ATRNL1: variants seen among roughly 807,000 people sequenced by gnomAD.
ATRNL1 encodes the protein attractin like 1, also known as attractin-like protein 1.
Under a neutral mutation model 182.7 loss-of-function variants are expected in ATRNL1, and 95 were observed. That is an observed-to-expected ratio of 0.52 (90% CI 0.44 to 0.62). The LOEUF (loss-of-function observed/expected upper bound fraction) is 0.62, where lower values mean the gene tolerates loss of function less well. Ranked by LOEUF, ATRNL1 falls within the 20% of genes least tolerant of loss-of-function variation. The pLI is 0.00. For synonymous variants in ATRNL1, 576 were observed against 568.3 expected (o/e 1.01, Z -0.19); for missense variants, 1,471 against 1,679.5 (o/e 0.88, Z 2.17).
intron 26 of ATRNL1, among the ~76,000 whole-genome samples, chr10:115,644,681 T>C (rs1859485549): frequency 6.6e-6 from 1 of 152,196 alleles, no homozygotes; most frequent in Non-Finnish European, 1.5e-5. Flanking sequence ...AATAAAAGGA[T>C]ATACAATTTG....
At chr10:115,388,593 A>G (rs1843795070) in intron 19 of ATRNL1, among the ~76,000 whole-genome samples, 1 of 151,844 alleles carries the variant, frequency 6.6e-6, no homozygotes, top group Non-Finnish European at 1.5e-5. Flanking sequence ...TAGATAAGTT[A>G]AGCCTATTCA....
Position 115,467,251 on chromosome 10 carries a change from A to G in ATRNL1, c.3495A>G (p.Thr1165=), listed in dbSNP as rs1301364731. 1.9e-6 allele frequency: 3 copies of G among 1,596,478 alleles called. No homozygotes were observed. Among genetic ancestry groups the G allele is most frequent in the South Asian group, 1.1e-5 (1 of 89,644 alleles). Reference sequence around the variant, plus strand: ...ACATTACGTGGTCTGTCGGTTCAACAGGTAAAAAAATGTTGATGTCATATC... The same window carrying G: ...ACATTACGTGGTCTGTCGGTTCAACGGGTAAAAAAATGTTGATGTCATATC... ...NLNITWSVGS[T]AGTISGEETS... Residue 1165 remains threonine (T), a splice_region_variant and synonymous_variant, in exon 23 of 29, where the codon ACA becomes ACG. Transcript: ENST00000355044.
At chr10:115,456,626 A>T (rs781802500) in intron 21 of ATRNL1, among the ~76,000 whole-genome samples, 2 of 152,184 alleles carry the variant, frequency 1.3e-5, no homozygotes, top group Non-Finnish European at 2.9e-5. Flanking sequence ...CAGAACTTAA[A>T]GTATAATAAT....
chr10:115,211,064 ATTATAC>A (rs1252302325), intron 8 of ATRNL1, among the ~76,000 whole-genome samples: 15 of 126,562 alleles, frequency 1.2e-4, no homozygotes, highest in African/African-American at 3.2e-4. Context: ...TTTTTTTTTA[ATTATAC>A]TTTAAGTTTT....
intron 17 of ATRNL1, among the ~76,000 whole-genome samples, chr10:115,305,781 A>C (rs1554925999): frequency 6.6e-6 from 1 of 152,188 alleles, no homozygotes; most frequent in African/African-American, 2.4e-5. Context: ...AAAACTATAG[A>C]GTAAGGCAAA....
At chr10:115,762,966 T>A (rs1458685869) in intron 27 of ATRNL1, among the ~76,000 whole-genome samples, 3 of 152,186 alleles carry the variant, frequency 2.0e-5, no homozygotes, top group African/African-American at 7.2e-5. Flanking sequence ...AAAGGTATAT[T>A]AAAATGTGAT....
chr10:115,497,978 C>G (rs1396383747), intron 24 of ATRNL1, among the ~76,000 whole-genome samples: 2 of 152,076 alleles, frequency 1.3e-5, no homozygotes, highest in African/African-American at 4.8e-5. Flanking sequence ...TAAAAATCAT[C>G]AAAGCATGAA....
At chr10:115,373,821 G>A (rs1857519130) in intron 19 of ATRNL1, among the ~76,000 whole-genome samples, 1 of 151,592 alleles carries the variant, frequency 6.6e-6, no homozygotes, top group East Asian at 1.9e-4. Flanking sequence ...ATATTGACTG[G>A]TAATTTCTTT....
At chr10:115,188,039 G>A (rs932568703) in intron 8 of ATRNL1, among the ~76,000 whole-genome samples, 2 of 135,588 alleles carry the variant, frequency 1.5e-5, no homozygotes, top group Non-Finnish European at 3.2e-5. Context: ...ATACAACTGG[G>A]AGAGAGGGAG....
At chr10:115,748,533 T>G (rs1433274540) in intron 27 of ATRNL1, among the ~76,000 whole-genome samples, 2 of 151,822 alleles carry the variant, frequency 1.3e-5, no homozygotes, top group Non-Finnish European at 2.9e-5. Context: ...CTGGACACTC[T>G]TTTGGTTTCA....
At chr10:115,944,516 C>A (rs1288359704) in intron 28 of ATRNL1, 142 bp from the exon 29 acceptor site, 4 of 590,124 alleles carry the variant, frequency 6.8e-6, no homozygotes, top group Non-Finnish European at 1.1e-5. Flanking sequence ...AGGTAAAGGG[C>A]AAACTACTTG....
intron 26 of ATRNL1, among the ~76,000 whole-genome samples, chr10:115,559,439 T>TGCGCGC (rs1195397943): frequency 2.5e-5 from 2 of 78,540 alleles, no homozygotes; most frequent in East Asian, 1.3e-3. Flanking sequence ...TGTGTGTGTG[T>TGCGCGC]GTGTGCGCGC....
chr10:115,847,874 CA>C lies in ATRNL1; in HGVS notation c.3904-2del. On this transcript the variant is annotated splice_acceptor_variant, in intron 27 of 28. Transcript: ENST00000355044. LOFTEE classifies it high-confidence loss of function. ...CAAACTTAAAGTGGGTTTTCTTTTT[CA>C]GGGGGCACCCAAGCCAATTGCCATT... is the stretch of plus-strand genomic sequence containing the variant. 12 of 1,583,046 alleles carry C rather than the reference CA, an allele frequency of 7.6e-6. No homozygotes were observed. Among genetic ancestry groups the C allele is most frequent in the Non-Finnish European group, 1.0e-5 (12 of 1,152,632 alleles).
chr10:115,502,467 A>C (rs1346143605), intron 24 of ATRNL1, among the ~76,000 whole-genome samples: 5 of 152,092 alleles, frequency 3.3e-5, no homozygotes, highest in African/African-American at 7.2e-5. Context: ...AGAGGCAAAA[A>C]CCCTTATTTT....
At chr10:115,175,271 A>G (rs932336518) in intron 8 of ATRNL1, among the ~76,000 whole-genome samples, 2 of 152,030 alleles carry the variant, frequency 1.3e-5, no homozygotes, top group African/African-American at 4.8e-5. Flanking sequence ...AATGGTGGTT[A>G]TGCTTTCCAA....
chr10:115,649,388 G>A (rs995418968), intron 26 of ATRNL1, among the ~76,000 whole-genome samples: 2 of 152,058 alleles, frequency 1.3e-5, no homozygotes, highest in African/African-American at 4.8e-5. Context: ...TAGCCAGATG[G>A]TCCTTTATTT....
intron 8 of ATRNL1, among the ~76,000 whole-genome samples, chr10:115,178,704 C>T (rs1248417774): frequency 6.6e-6 from 1 of 152,020 alleles, no homozygotes; most frequent in African/African-American, 2.4e-5. Context: ...CTAGCTGGGT[C>T]CTTTTTGCCT....
At chr10:115,638,003 T>C (rs1333763250) in intron 26 of ATRNL1, among the ~76,000 whole-genome samples, 1 of 150,002 alleles carries the variant, frequency 6.7e-6, no homozygotes, top group Non-Finnish European at 1.5e-5. Context: ...TTATAAAGTC[T>C]TTTATAAAGT....
chr10:115,109,848 A>T (rs1322933792), intron 1 of ATRNL1, among the ~76,000 whole-genome samples: 2 of 152,166 alleles, frequency 1.3e-5, no homozygotes, highest in African/African-American at 4.8e-5. Flanking sequence ...ACCTCACCAT[A>T]TTCACCTTTT....
Sources: gnomAD v4.1 joint callset for allele counts (sites outside exome capture counted in the v4.1 genomes callset) on GRCh38, gnomAD v4.1.1 for gene constraint, MANE v1.5 for transcripts, NCBI Gene and HGNC (gene_info 2026-07-23, HGNC 2026-07-21) for gene names.